LRIG2: variants seen among roughly 807,000 people sequenced by gnomAD.
LRIG2 encodes the protein leucine-rich repeats and immunoglobulin-like domains protein 2.
Under a neutral mutation model 107.8 loss-of-function variants are expected in LRIG2, and 93 were observed. The observed-to-expected ratio is 0.86, with a 90% CI of 0.73 to 1.03. The LOEUF (loss-of-function observed/expected upper bound fraction) is 1.03, where lower values mean the gene tolerates loss of function less well. LRIG2 is among the 50% of genes least tolerant of loss of function. The pLI is 0.00. For missense variants in LRIG2, 1,226 were observed against 1,296.0 expected (o/e 0.95, Z 0.83); for synonymous variants, 471 against 470.6 (o/e 1.00, Z -0.01).
intron 1 of LRIG2, among the ~76,000 whole-genome samples, chr1:113,076,532 G>T (rs996432660): frequency 1.3e-5 from 2 of 152,186 alleles, no homozygotes; most frequent in African/African-American, 4.8e-5. Flanking sequence ...TTGGATGGAA[G>T]TCTTACATTG....
At chr1:113,096,406 T>G in intron 8 of LRIG2, 41 bp downstream of exon 8, 1 of 1,584,196 alleles carries the variant, frequency 6.3e-7, no homozygotes, top group Non-Finnish European at 8.6e-7. Flanking sequence ...TGTTACTGAT[T>G]TTTTTAGTAC....
At chr1:113,092,088 C>T (rs1178257639) in intron 2 of LRIG2, among the ~76,000 whole-genome samples, 2 of 152,218 alleles carry the variant, frequency 1.3e-5, no homozygotes, top group Non-Finnish European at 2.9e-5. Context: ...AGATTCACTG[C>T]TTCTAATACG....
intron 13 of LRIG2, 28 bp from the exon 14 acceptor site, chr1:113,112,451 T>C (rs558239870): frequency 6.3e-7 from 1 of 1,586,500 alleles, no homozygotes; most frequent in African/African-American, 1.3e-5. Flanking sequence ...CCTTGCCCAC[T>C]TTTTCTTGGT....
chr1:113,077,151 CTT>C (rs1388845564), intron 1 of LRIG2, among the ~76,000 whole-genome samples: 1 of 145,490 alleles, frequency 6.9e-6, no homozygotes. Context: ...AATTTTTTTT[CTT>C]TTTTTTTTTG....
chr1:113,098,984 G>A (rs1261669713), intron 9 of LRIG2, among the ~76,000 whole-genome samples, 199 bp downstream of exon 9: 2 of 152,052 alleles, frequency 1.3e-5, no homozygotes, highest in Non-Finnish European at 2.9e-5. Flanking sequence ...AGGCTGGGAT[G>A]CAGTGGCACG....
At chr1:113,094,198 G>A (rs1216801) in intron 4 of LRIG2, 141 bp from the exon 5 acceptor site, 213,974 of 559,416 alleles carry the variant, frequency 0.38, 43,399 homozygotes, top group East Asian at 0.67. Context: ...AAGAAACAGA[G>A]CAGTTAAATG....
At position 113,094,362 on chromosome 1, in the gene LRIG2, C is replaced by T; in HGVS notation, c.539C>T (p.Thr180Ile). 6.2e-7 allele frequency: 1 copy of T among 1,608,182 alleles called. No individual in the cohort carries two copies. Among genetic ancestry groups the T allele is most frequent in the Non-Finnish European group, 8.5e-7 (1 of 1,178,338 alleles). The change falls in exon 5 of 18, where the codon ACC becomes ATC. Residue 180 changes from threonine (T) to isoleucine (I), a missense_variant. Coordinates refer to ENST00000361127, the MANE Select transcript of LRIG2 (RefSeq NM_014813.3). ...AGGAATTTAAGTAATAACAGAATAA[C>T]CACCTTGGAGGCTGGTTGCTTCGAT... ...KYLNLSNNRI[T>I]TLEAGCFDNL...
In LRIG2 at chr1:113,131,594, TCCC is replaced by T. The variant is rs1475968116; in HGVS notation, c.*7496_*7498del. On this transcript the variant is annotated 3_prime_UTR_variant, in exon 18 of 18. Coordinates refer to ENST00000361127, the MANE Select transcript of LRIG2 (RefSeq NM_014813.3). ...GCCCATACAGTTGGCAGATGTTTTT[TCCC>T]CCTTTTTCTACCTTAAACTTTTTTG... The T allele has an allele frequency of 6.6e-6, 1 of 152,190 alleles. No homozygotes were observed. The highest frequency in any genetic ancestry group is 1.5e-5 in the Non-Finnish European group (1 of 68,044). The allele number at this position is 152,190 out of a possible 1,614,324, so 9.4% of individuals were successfully genotyped here. A position where few individuals can be genotyped will look rare whatever the true frequency, so the allele number is the denominator to read the frequency against.
chr1:113,123,416 TATAC>T (rs1250788678), intron 17 of LRIG2, among the ~76,000 whole-genome samples: 1 of 151,854 alleles, frequency 6.6e-6, no homozygotes, highest in Non-Finnish European at 1.5e-5. Flanking sequence ...CTCTACTAAA[TATAC>T]AAAATTAGCT....
Position 113,126,183 on chromosome 1 carries a change from T to G in LRIG2, c.*2082T>G, listed in dbSNP as rs886122214. On this transcript the variant is annotated 3_prime_UTR_variant, in exon 18 of 18. Transcript: ENST00000361127. ...TTGCAACTATGGGTCAGTTATTTGCTCTCTCAATGTCTCATGTTGCTGAGT... is the reference window on the plus strand; with the variant it reads ...TTGCAACTATGGGTCAGTTATTTGCGCTCTCAATGTCTCATGTTGCTGAGT... 8 of 152,316 alleles carry G rather than the reference T, an allele frequency of 5.3e-5. No individual in the cohort carries two copies. Among genetic ancestry groups the G allele is most frequent in the African/African-American group, 1.9e-4 (8 of 41,576 alleles). The allele number at this position is 152,316 out of a possible 1,614,324, so 9.4% of individuals were successfully genotyped here.
At position 113,100,326 on chromosome 1, in the gene LRIG2, T is replaced by G. The variant is rs1336095549; in HGVS notation, c.1244+44T>G. 3 of 1,510,332 alleles carry G rather than the reference T, an allele frequency of 2.0e-6. No homozygotes were observed. The African/African-American group carries it at 4.1e-5, about 21-fold the overall frequency. 93.6% of individuals were successfully genotyped at this position (1,510,332 alleles called of 1,614,324 possible). A position where few individuals can be genotyped will look rare whatever the true frequency, so the allele number is the denominator to read the frequency against. On this transcript the variant is annotated intron_variant, in intron 10 of 17. Transcript: ENST00000361127. ...TTTTGCTTACTCTATAAATAATCTT[T>G]GCTATTAGCAGAGGTTTTCATGACC...
At chr1:113,094,784 T>C (rs772191359) in intron 6 of LRIG2, 29 bp downstream of exon 6, 2 of 1,601,956 alleles carry the variant, frequency 1.2e-6, no homozygotes, top group African/African-American at 2.7e-5. Flanking sequence ...AGGTGATTAT[T>C]AGGAAAGTAG....
intron 9 of LRIG2, among the ~76,000 whole-genome samples, chr1:113,099,324 A>G (rs1234216264): frequency 6.8e-6 from 1 of 147,340 alleles, no homozygotes; most frequent in Non-Finnish European, 1.5e-5. Context: ...AGCAGCTTCA[A>G]CCTCCTAGGC....
At chr1:113,077,817 T>C (rs972232149) in intron 1 of LRIG2, among the ~76,000 whole-genome samples, 1 of 151,772 alleles carries the variant, frequency 6.6e-6, no homozygotes, top group African/African-American at 2.4e-5. Flanking sequence ...ACATGTGCCA[T>C]GTTGGTGTGC....
intron 2 of LRIG2, among the ~76,000 whole-genome samples, chr1:113,092,499 C>T (rs1653872662): frequency 6.6e-6 from 1 of 151,922 alleles, no homozygotes; most frequent in South Asian, 2.1e-4. Flanking sequence ...AATATATATA[C>T]ATTTGTGTGT....
At chr1:113,075,842 T>C (rs1394183803) in intron 1 of LRIG2, among the ~76,000 whole-genome samples, 1 of 151,426 alleles carries the variant, frequency 6.6e-6, no homozygotes, top group African/African-American at 2.4e-5. Context: ...ATTACAGGCG[T>C]GCGCTACCAT....
chr1:113,113,734 T>A (rs1286174215), intron 14 of LRIG2, among the ~76,000 whole-genome samples: 1 of 151,972 alleles, frequency 6.6e-6, no homozygotes, highest in East Asian at 1.9e-4. Flanking sequence ...AGCTAATTTT[T>A]GTATTTTTTT....
Position 113,129,793 on chromosome 1 carries a change from C to G in LRIG2, c.*5692C>G, listed in dbSNP as rs2101082039. 1 of 152,268 alleles carries G rather than the reference C, an allele frequency of 6.6e-6. No homozygotes were observed. Among genetic ancestry groups the G allele is most frequent in the Non-Finnish European group, 1.5e-5 (1 of 68,044 alleles). The allele number at this position is 152,268 out of a possible 1,614,324, so 9.4% of individuals were successfully genotyped here. A position where few individuals can be genotyped will look rare whatever the true frequency, so the allele number is the denominator to read the frequency against. On this transcript the variant is annotated 3_prime_UTR_variant, in exon 18 of 18. Transcript: ENST00000361127. The stretch of plus-strand genomic sequence containing the variant: ...TTGTTTGTCCCCTTTCAGGCTGATT[C>G]TCCACTTCCACCTGGAAGAAAAGAC...
Position 113,125,589 on chromosome 1 carries a change from T to G in LRIG2, c.*1488T>G, listed in dbSNP as rs568434163. 1.8e-4 allele frequency: 28 copies of G among 152,338 alleles called. No individual in the cohort carries two copies. Among genetic ancestry groups the G allele is most frequent in the Admixed American group, 1.1e-3 (17 of 15,304 alleles). 9.4% of individuals were successfully genotyped at this position (152,338 alleles called of 1,614,324 possible). A position where few individuals can be genotyped will look rare whatever the true frequency, so the allele number is the denominator to read the frequency against. ...GAACGCTTCAAAAACTGGAGGCTGATTTAAAGATTGCAGAACTTGAGTCAG... is the reference window on the plus strand; with the variant it reads ...GAACGCTTCAAAAACTGGAGGCTGAGTTAAAGATTGCAGAACTTGAGTCAG... On this transcript the variant is annotated 3_prime_UTR_variant, in exon 18 of 18. Transcript: ENST00000361127.
Sources: gnomAD v4.1 joint callset for allele counts (sites outside exome capture counted in the v4.1 genomes callset) on GRCh38, gnomAD v4.1.1 for gene constraint, MANE v1.5 for transcripts, NCBI Gene and HGNC (gene_info 2026-07-23, HGNC 2026-07-21) for gene names.